Variants in MYMX observed in about 807,000 individuals in gnomAD.
MYMX encodes myomixer, myoblast fusion factor, also known as protein myomixer.
At chr6:44,216,081 A>G (rs1421850393), upstream of MYMX, among the ~76,000 whole-genome samples, 1 of 152,234 alleles carries the variant, frequency 6.6e-6, no homozygotes, top group Non-Finnish European at 1.5e-5. Flanking sequence ...AGCTGTGCCC[A>G]GCTAGGAGAT....
At chr6:44,212,763 C>A (rs1251651686), upstream of MYMX, among the ~76,000 whole-genome samples, 2 of 151,642 alleles carry the variant, frequency 1.3e-5, no homozygotes. Flanking sequence ...GTGTCTCATG[C>A]CCGTAATCTC....
the MYMX span, among the ~76,000 whole-genome samples, chr6:44,196,959 AAAAC>A: frequency 2.0e-5 from 3 of 151,328 alleles, no homozygotes; most frequent in Admixed American, 6.6e-5. Context: ...ACTCCGTGTC[AAAAC>A]AAACAAACAG....
chr6:44,215,244 T>C (rs1775797456), upstream of MYMX, among the ~76,000 whole-genome samples: 1 of 152,238 alleles, frequency 6.6e-6, no homozygotes, highest in South Asian at 2.1e-4. Flanking sequence ...GCAGGAATTA[T>C]ACTTATTTTA....
chr6:44,193,303 C>T, the MYMX span, among the ~76,000 whole-genome samples: 46 of 152,112 alleles, frequency 3.0e-4, no homozygotes, highest in Non-Finnish European at 1.0e-4. Context: ...GAGTCTCGCT[C>T]TGTCACCCAG....
the MYMX span, among the ~76,000 whole-genome samples, chr6:44,197,797 G>A: frequency 2.6e-5 from 4 of 152,090 alleles, no homozygotes; most frequent in Non-Finnish European, 4.4e-5. Flanking sequence ...ATGTTGCCCA[G>A]GTTGGCCTTG....
At chr6:44,193,396 C>T in the MYMX span, among the ~76,000 whole-genome samples, 2 of 152,068 alleles carry the variant, frequency 1.3e-5, no homozygotes, top group African/African-American at 2.4e-5. Flanking sequence ...ACCATTCTAA[C>T]ATTCAACCTG....
At chr6:44,205,439 G>A in the MYMX span, among the ~76,000 whole-genome samples, 3 of 151,836 alleles carry the variant, frequency 2.0e-5, no homozygotes, top group Admixed American at 6.6e-5. Flanking sequence ...ATGGTGGATC[G>A]CTTGAACCTA....
chr6:44,206,765 T>C, the MYMX span, among the ~76,000 whole-genome samples: 1 of 152,108 alleles, frequency 6.6e-6, no homozygotes, highest in Non-Finnish European at 1.5e-5. Flanking sequence ...TTGTTTTATG[T>C]CTTGATGGCT....
At chr6:44,215,334 A>C (rs7742006), upstream of MYMX, among the ~76,000 whole-genome samples, 3,583 of 152,274 alleles carry the variant, frequency 0.024, 130 homozygotes, top group African/African-American at 0.079. Flanking sequence ...ACACTTTGGG[A>C]GGCAAAGGTG....
chr6:44,205,813 AAAAAG>A, the MYMX span, among the ~76,000 whole-genome samples: 3 of 151,826 alleles, frequency 2.0e-5, no homozygotes, highest in African/African-American at 4.8e-5. Context: ...CTTCTCAAAA[AAAAAG>A]AAAAGAAAAA....
At chr6:44,193,785 C>T in the MYMX span, among the ~76,000 whole-genome samples, 3 of 152,200 alleles carry the variant, frequency 2.0e-5, no homozygotes, top group South Asian at 6.2e-4. Context: ...GAGTTCGAGA[C>T]TGGTCTGGCC....
the MYMX span, among the ~76,000 whole-genome samples, chr6:44,207,305 A>AT: frequency 6.6e-6 from 1 of 151,164 alleles, no homozygotes; most frequent in African/African-American, 2.4e-5. Context: ...CGCCTGGCTA[A>AT]TTTTTTTGTA....
the MYMX span, among the ~76,000 whole-genome samples, chr6:44,200,916 C>T: frequency 2.0e-5 from 3 of 152,162 alleles, no homozygotes; most frequent in Admixed American, 2.0e-4. Flanking sequence ...GTATTCTATA[C>T]AAGCTCCTTT....
the MYMX span, among the ~76,000 whole-genome samples, chr6:44,207,167 C>CT: frequency 3.1e-4 from 46 of 148,424 alleles, no homozygotes; most frequent in Admixed American, 4.7e-4. Flanking sequence ...AAGGTCTTTA[C>CT]TTTTTTTTTT....
At chr6:44,205,305 A>T in the MYMX span, among the ~76,000 whole-genome samples, 2 of 152,178 alleles carry the variant, frequency 1.3e-5, no homozygotes, top group African/African-American at 4.8e-5. Flanking sequence ...ATCAATTATT[A>T]GTGACTAACC....
chr6:44,198,090 T>C, the MYMX span, among the ~76,000 whole-genome samples: 8 of 151,658 alleles, frequency 5.3e-5, no homozygotes, highest in East Asian at 5.8e-4. Context: ...ATTTAAAAAA[T>C]TGCCATAACA....
chr6:44,201,303 G>A, the MYMX span, among the ~76,000 whole-genome samples: 9 of 152,118 alleles, frequency 5.9e-5, no homozygotes, highest in East Asian at 1.9e-4. Flanking sequence ...CTAGAACTCC[G>A]CCCATTCCCC....
the MYMX span, among the ~76,000 whole-genome samples, chr6:44,200,601 C>G: frequency 1.3e-5 from 2 of 152,176 alleles, no homozygotes; most frequent in East Asian, 3.9e-4. Context: ...AGGCGTGAGC[C>G]ATCGCGCCTG....
At chr6:44,207,751 G>A in the MYMX span, among the ~76,000 whole-genome samples, 5 of 151,522 alleles carry the variant, frequency 3.3e-5, no homozygotes, top group Non-Finnish European at 5.9e-5. Context: ...GGCTGGTCTC[G>A]AACTCCCTAC....
Sources: allele counts gnomAD v4.1 joint callset (sites outside exome capture counted in the v4.1 genomes callset), GRCh38; gene constraint gnomAD v4.1.1; transcripts MANE v1.5; gene names NCBI Gene and HGNC (gene_info 2026-07-23, HGNC 2026-07-21).